Variants in MIER1 observed in about 807,000 individuals in gnomAD.
The protein encoded by MIER1 is MIER1 transcriptional regulator, also known as mesoderm induction early response protein 1.
MIER1 carries 40 observed loss-of-function variants against 75.7 expected under a neutral mutation model. The observed-to-expected ratio is 0.53, with a 90% CI of 0.41 to 0.69. The LOEUF is 0.69. Ranked by LOEUF, MIER1 falls within the 30% of genes least tolerant of loss-of-function variation. MIER1 has a pLI of 0.00. For synonymous variants in MIER1, 213 were observed against 223.4 expected (o/e 0.95, Z 0.42); for missense variants, 574 against 680.2 (o/e 0.84, Z 1.74).
intron 2 of MIER1, among the ~76,000 whole-genome samples, chr1:66,927,167 A>G (rs1458418394): frequency 6.6e-6 from 1 of 152,164 alleles, no homozygotes; most frequent in East Asian, 1.9e-4. Context: ...AGATTCAGTA[A>G]ATTGCTTACA....
chr1:66,942,958 A>G (rs1021890026), intron 3 of MIER1, among the ~76,000 whole-genome samples: 2 of 152,220 alleles, frequency 1.3e-5, no homozygotes, highest in Non-Finnish European at 2.9e-5. Context: ...AAAAGTCAAT[A>G]GAGTGTAACA....
Position 66,965,680 on chromosome 1 carries a change from TTA to T in MIER1, c.772+2523_772+2524del, listed in dbSNP as rs1236545547. The stretch of plus-strand genomic sequence containing the variant: ...TGTTACAAACAATCCATTTATACTC[TTA>T]TAGTTCTTTAAAAATGTACAATTAA... On this transcript the variant is annotated intron_variant, in intron 8 of 13. Transcript: ENST00000401041. 3.3e-5 allele frequency among the ~76,000 whole-genome samples: 5 copies of T among 152,188 alleles called. No homozygotes were observed. The East Asian group carries it at 5.8e-4, about 18-fold the overall frequency.
chr1:66,955,112 G>C (rs1169710182), intron 4 of MIER1, among the ~76,000 whole-genome samples: 1 of 152,082 alleles, frequency 6.6e-6, no homozygotes, highest in African/African-American at 2.4e-5. Flanking sequence ...CTTGATAATG[G>C]TTAAAAAAGA....
At chr1:66,929,350 T>C (rs1264098949) in intron 2 of MIER1, among the ~76,000 whole-genome samples, 2 of 152,196 alleles carry the variant, frequency 1.3e-5, no homozygotes, top group East Asian at 3.8e-4. Context: ...TTCAAACTGG[T>C]TTAGTAAAAT....
chr1:66,943,430 AT>A (rs1656719198), intron 3 of MIER1, among the ~76,000 whole-genome samples: 1 of 152,098 alleles, frequency 6.6e-6, no homozygotes, highest in African/African-American at 2.4e-5. Context: ...TTAATAACTC[AT>A]TTTTACTATA....
At chr1:66,971,023 T>C in intron 9 of MIER1, 64 bp downstream of exon 9, 1 of 1,427,518 alleles carries the variant, frequency 7.0e-7, no homozygotes, top group South Asian at 1.4e-5. Flanking sequence ...ATGCTGTCAC[T>C]TGCATTGTTG....
intron 2 of MIER1, among the ~76,000 whole-genome samples, chr1:66,935,150 GTAGT>G (rs1286173341): frequency 2.0e-5 from 3 of 152,088 alleles, no homozygotes; most frequent in Non-Finnish European, 2.9e-5. Flanking sequence ...TGGTAATGTT[GTAGT>G]TAGTTATTTC....
chr1:66,935,778 C>T (rs537922702), intron 2 of MIER1, among the ~76,000 whole-genome samples: 11 of 152,160 alleles, frequency 7.2e-5, no homozygotes, highest in Non-Finnish European at 1.6e-4. Context: ...CCAGTTTACG[C>T]CCTGTTCTAC....
intron 4 of MIER1, among the ~76,000 whole-genome samples, chr1:66,949,205 G>C (rs1023208666): frequency 6.6e-6 from 1 of 152,002 alleles, no homozygotes; most frequent in Non-Finnish European, 1.5e-5. Flanking sequence ...TTCTATATTA[G>C]CTAAAATACT....
At chr1:66,925,621 C>CG (rs2100969908) in intron 1 of MIER1, 1 of 872,632 alleles carries the variant, frequency 1.1e-6, no homozygotes, top group African/African-American at 1.8e-5. Context: ...TGTAAGGAAA[C>CG]GAGGTCCTCC....
chr1:66,979,756 G>A (rs1476297085), intron 12 of MIER1, among the ~76,000 whole-genome samples: 2 of 149,172 alleles, frequency 1.3e-5, no homozygotes, highest in Non-Finnish European at 3.0e-5. Context: ...TGTTTCCTTT[G>A]CCTTGGCTTT....
intron 2 of MIER1, chr1:66,932,845 T>TA (rs1653782680): frequency 6.6e-6 from 1 of 152,022 alleles, no homozygotes; most frequent in East Asian, 1.9e-4. Flanking sequence ...TTCTGGGCTT[T>TA]TAAAAAAAAA....
chr1:66,959,696 G>T lies in MIER1; in HGVS notation c.652G>T (p.Glu218Ter), dbSNP rs774636338. ...TATTCTAGATAGTGAAGTAGAAGAA[G>T]AATCTGAAGAAGATGAAGATTATAT... ...YFDTNSEVEE[E>*]SEEDEDYIPS... Residue 218 changes from glutamate (E) to a stop codon, truncating the protein, a stop_gained, in exon 7 of 14, where the codon GAA becomes TAA. Transcript: ENST00000401041. LOFTEE classifies it high-confidence loss of function. 2.1e-6 allele frequency: 3 copies of T among 1,428,110 alleles called. No individual in the cohort carries two copies. Among genetic ancestry groups the T allele is most frequent in the South Asian group, 2.9e-5 (2 of 69,660 alleles). 88.5% of individuals were successfully genotyped at this position (1,428,110 alleles called of 1,614,324 possible).
At chr1:66,976,831 T>G in intron 12 of MIER1, 109 bp downstream of exon 12, 1 of 948,618 alleles carries the variant, frequency 1.1e-6, no homozygotes, top group African/African-American at 1.7e-5. Flanking sequence ...ATACTTGATC[T>G]TAACCAGAAG....
At chr1:66,981,967 TC>T (rs775235959) in intron 13 of MIER1, 49 bp downstream of exon 13, 1 of 1,590,278 alleles carries the variant, frequency 6.3e-7, no homozygotes, top group Admixed American at 1.7e-5. Flanking sequence ...AGGGACACTT[TC>T]TTGCAGTGAC....
intron 3 of MIER1, among the ~76,000 whole-genome samples, chr1:66,944,545 A>G (rs918682132): frequency 2.0e-5 from 3 of 151,732 alleles, no homozygotes; most frequent in African/African-American, 7.3e-5. Flanking sequence ...AGGGTCCAGC[A>G]ATATTCCCCA....
At chr1:66,940,207 G>GC in intron 3 of MIER1, 155 bp downstream of exon 3, 1 of 518,218 alleles carries the variant, frequency 1.9e-6, no homozygotes, top group Non-Finnish European at 3.4e-6. Flanking sequence ...AGGTTTGACT[G>GC]CCCATGAAAG....
chr1:66,963,879 G>A (rs528345611), intron 8 of MIER1, among the ~76,000 whole-genome samples: 70 of 152,122 alleles, frequency 4.6e-4, no homozygotes, highest in African/African-American at 1.7e-3. Context: ...CTGCACTCCA[G>A]CCTGGGTGAC....
Position 66,925,019 on chromosome 1 carries a change from C to G in MIER1, c.-10C>G, listed in dbSNP as rs1398660180. 1.3e-6 allele frequency: 2 copies of G among 1,546,398 alleles called. No homozygotes were observed. Among genetic ancestry groups the G allele is most frequent in the East Asian group, 4.9e-5 (2 of 40,978 alleles). On this transcript the variant is annotated 5_prime_UTR_variant, in exon 1 of 14. Transcript: ENST00000401041. ...CCCTCCCAGGCTCTGAGTCTCCCGGCTGCAGGCGGATGGATGGGGCTTCTT... is the reference window on the plus strand; with the variant it reads ...CCCTCCCAGGCTCTGAGTCTCCCGGGTGCAGGCGGATGGATGGGGCTTCTT...
Sources: allele counts gnomAD v4.1 joint callset (sites outside exome capture counted in the v4.1 genomes callset), GRCh38; gene constraint gnomAD v4.1.1; transcripts MANE v1.5; gene names NCBI Gene and HGNC (gene_info 2026-07-23, HGNC 2026-07-21).